GRIK1: variants seen among roughly 807,000 people sequenced by gnomAD.
GRIK1 encodes glutamate ionotropic receptor kainate type subunit 1.
A neutral mutation model predicts 105.7 loss-of-function variants in GRIK1; 69 were observed. The ratio of observed to expected loss-of-function variants is 0.65; its 90% CI spans 0.54 to 0.80. The LOEUF (loss-of-function observed/expected upper bound fraction) is 0.80. GRIK1 is among the 30% of genes least tolerant of loss of function. GRIK1 has a pLI of 0.00. For synonymous variants in GRIK1, 438 were observed against 431.3 expected (o/e 1.02, Z -0.19); for missense variants, 1,109 against 1,167.3 (o/e 0.95, Z 0.73).
chr21:29,777,565 G>A (rs188344745), intron 1 of GRIK1, among the ~76,000 whole-genome samples: 1 of 152,258 alleles, frequency 6.6e-6, no homozygotes. Context: ...AATTGAAAAA[G>A]GTCTAATTGT....
chr21:29,644,378 T>C (rs2062575295), intron 6 of GRIK1, among the ~76,000 whole-genome samples: 1 of 152,348 alleles, frequency 6.6e-6, no homozygotes, highest in Admixed American at 6.5e-5. Flanking sequence ...ACTAACATGG[T>C]TCCTGACACA....
chr21:29,937,536 G>C (rs2071807194), intron 1 of GRIK1, among the ~76,000 whole-genome samples: 1 of 152,152 alleles, frequency 6.6e-6, no homozygotes, highest in African/African-American at 2.4e-5. Context: ...AAAATACTGA[G>C]ATCTGTGAAC....
chr21:29,560,282 TCTTTCTTTCTTTCTTTC>T lies in GRIK1; in HGVS notation c.2356+1325_2356+1341del, dbSNP rs1192978044. ...ACCAGGACCTTATATGATACAGTTTTCTTTCTTTCTTTCTTTCTTTCTTTCTTTCTTTCTTTCTTTCT... is the reference window on the plus strand; with the variant it reads ...ACCAGGACCTTATATGATACAGTTTTTTTCTTTCTTTCTTTCTTTCTTTCT... On this transcript the variant is annotated intron_variant, in intron 15 of 17. Coordinates refer to ENST00000327783, the MANE Select transcript of GRIK1 (RefSeq NM_001330994.2). 4.1e-3 allele frequency among the ~76,000 whole-genome samples: 172 copies of T among 41,874 alleles called. 2 individuals carry two copies. The highest frequency in any genetic ancestry group is 0.014 in the Middle Eastern group (1 of 70). 27.5% of individuals were successfully genotyped at this position (41,874 alleles called of 152,430 possible). A position where few individuals can be genotyped will look rare whatever the true frequency, so the allele number is the denominator to read the frequency against.
At chr21:29,865,646 A>G (rs147110543) in intron 1 of GRIK1, among the ~76,000 whole-genome samples, 2 of 152,390 alleles carry the variant, frequency 1.3e-5, no homozygotes, top group East Asian at 3.9e-4. Context: ...TGGGGCATAT[A>G]TGTGAGAAAA....
intron 1 of GRIK1, among the ~76,000 whole-genome samples, chr21:29,824,680 G>T (rs1354179653): frequency 6.6e-6 from 1 of 151,564 alleles, no homozygotes; most frequent in Non-Finnish European, 1.5e-5. Flanking sequence ...TGCAGTGAAT[G>T]TGGCGAGAAG....
At chr21:29,574,813 G>C (rs924347684) in intron 14 of GRIK1, among the ~76,000 whole-genome samples, 10 of 148,464 alleles carry the variant, frequency 6.7e-5, no homozygotes, top group African/African-American at 2.5e-4. Context: ...TCAGCCTCCC[G>C]AGTAGCTGGG....
At chr21:29,624,180 A>G (rs2062069699) in intron 7 of GRIK1, among the ~76,000 whole-genome samples, 1 of 152,170 alleles carries the variant, frequency 6.6e-6, no homozygotes, top group Non-Finnish European at 1.5e-5. Flanking sequence ...CAGTGACTAC[A>G]CTCATGACAT....
At chr21:29,560,970 C>T (rs2090466179) in intron 15 of GRIK1, among the ~76,000 whole-genome samples, 2 of 152,088 alleles carry the variant, frequency 1.3e-5, no homozygotes, top group African/African-American at 4.8e-5. Flanking sequence ...TCACTAATTA[C>T]CCCTTAAATT....
chr21:29,773,756 A>T (rs1319543573), intron 1 of GRIK1, among the ~76,000 whole-genome samples: 1 of 152,196 alleles, frequency 6.6e-6, no homozygotes, highest in African/African-American at 2.4e-5. Flanking sequence ...GGGCAAAGGG[A>T]TGAGGGGGTT....
chr21:29,657,223 T>C (rs1373863812), intron 4 of GRIK1, among the ~76,000 whole-genome samples: 5 of 152,232 alleles, frequency 3.3e-5, no homozygotes, highest in African/African-American at 1.2e-4. Flanking sequence ...AAATTTTGTT[T>C]CTGAAACTGA....
At chr21:29,648,876 AGAAT>A (rs2062670272) in intron 6 of GRIK1, among the ~76,000 whole-genome samples, 1 of 152,204 alleles carries the variant, frequency 6.6e-6, no homozygotes, top group African/African-American at 2.4e-5. Context: ...TTGATGTGCA[AGAAT>A]GAATGAAGGG....
chr21:29,642,370 T>A (rs1237577910), intron 7 of GRIK1, among the ~76,000 whole-genome samples: 9 of 152,176 alleles, frequency 5.9e-5, no homozygotes, highest in Non-Finnish European at 2.9e-5. Context: ...GACAAAATAG[T>A]CACTATATAA....
At chr21:29,760,924 T>G (rs1161221157) in intron 1 of GRIK1, among the ~76,000 whole-genome samples, 1 of 152,192 alleles carries the variant, frequency 6.6e-6, no homozygotes, top group African/African-American at 2.4e-5. Flanking sequence ...CCAGACAGAT[T>G]CCAAAGGATT....
At chr21:29,763,672 A>T (rs1466400507) in intron 1 of GRIK1, 1 of 152,226 alleles carries the variant, frequency 6.6e-6, no homozygotes, top group Admixed American at 6.5e-5. Flanking sequence ...GGTGATCGAG[A>T]TTCCGAGCTC....
intron 1 of GRIK1, among the ~76,000 whole-genome samples, chr21:29,772,025 C>G (rs1032567079): frequency 6.6e-6 from 1 of 152,218 alleles, no homozygotes; most frequent in Non-Finnish European, 1.5e-5. Context: ...AGTTATGATA[C>G]CAATCTCATA....
At chr21:29,833,717 T>A (rs1199901770) in intron 1 of GRIK1, among the ~76,000 whole-genome samples, 1 of 152,066 alleles carries the variant, frequency 6.6e-6, no homozygotes, top group Non-Finnish European at 1.5e-5. Context: ...AACATGAGAT[T>A]TGAGCAGGAA....
intron 1 of GRIK1, among the ~76,000 whole-genome samples, chr21:29,750,258 C>CTCCT (rs1306895255): frequency 8.0e-5 from 12 of 149,790 alleles, no homozygotes; most frequent in South Asian, 2.2e-4. Flanking sequence ...CCCTCCCTCC[C>CTCCT]TCCCTCATTC....
rs752588144 is a variant in GRIK1 at position 29,836,668 on chromosome 21, C to CATAT, written c.118+102711_118+102714dup. ...GCACACATATACATGTGTAATGTTG[C>CATAT]ATATATATATATATTTACACAGACA... On this transcript the variant is annotated intron_variant, in intron 1 of 17. Transcript: ENST00000327783. Among the ~76,000 whole-genome samples the CATAT allele has an allele frequency of 2.0e-5, 3 of 150,844 alleles. No homozygotes were observed. The South Asian group carries it at 6.3e-4, about 31-fold the overall frequency.
intron 1 of GRIK1, among the ~76,000 whole-genome samples, chr21:29,873,900 G>A (rs955349006): frequency 6.6e-6 from 1 of 152,140 alleles, no homozygotes; most frequent in Non-Finnish European, 1.5e-5. Flanking sequence ...GCTTGTTTCG[G>A]GATGAAACTG....
Sources: gnomAD v4.1 joint callset for allele counts (sites outside exome capture counted in the v4.1 genomes callset) on GRCh38, gnomAD v4.1.1 for gene constraint, MANE v1.5 for transcripts, NCBI Gene and HGNC (gene_info 2026-07-23, HGNC 2026-07-21) for gene names.